DNAH10: variants seen among roughly 807,000 people sequenced by gnomAD.
DNAH10 encodes dynein axonemal heavy chain 10.
Under a neutral mutation model 506.6 loss-of-function variants are expected in DNAH10, and 348 were observed. That is an observed-to-expected ratio of 0.69 (90% CI 0.63 to 0.75). The LOEUF is 0.75. Among genes scored for constraint, DNAH10 ranks in the 30% least tolerant of loss-of-function variants. The pLI is 0.00. For synonymous variants in DNAH10, 2,059 were observed against 2,198.6 expected (o/e 0.94, Z 1.78); for missense variants, 5,179 against 5,787.1 (o/e 0.89, Z 3.41).
chr12:123,762,572 C>T lies in DNAH10; in HGVS notation c.214+22C>T, dbSNP rs1218398661. 11 of 1,537,824 alleles carry T rather than the reference C, an allele frequency of 7.2e-6. No individual in the cohort carries two copies. The highest frequency in any genetic ancestry group is 9.6e-6 in the Non-Finnish European group (11 of 1,142,840). ...ATTGGTGAGCCTCGACGCGCCGCTC[C>T]CTTCCCCGGGCTTCCCTCCTGCCCG... is the stretch of plus-strand genomic sequence containing the variant. On this transcript the variant is annotated intron_variant, in intron 1 of 78. Coordinates refer to ENST00000673944, the MANE Select transcript of DNAH10 (RefSeq NM_001372106.1). The surrounding 1 kb of genome is among the most constrained non-coding windows in gnomAD (Gnocchi z 5.0).
intron 29 of DNAH10, 39 bp downstream of exon 29, chr12:123,838,728 C>T (rs1950659061): frequency 1.9e-6 from 3 of 1,575,850 alleles, no homozygotes; most frequent in Non-Finnish European, 1.7e-6. Flanking sequence ...CCGTGTAAGC[C>T]TTAGAACCGC....
intron 50 of DNAH10, 41 bp downstream of exon 50, chr12:123,879,842 C>T (rs1203896312): frequency 3.1e-6 from 5 of 1,601,098 alleles, no homozygotes; most frequent in Non-Finnish European, 4.3e-6. Context: ...TCACTTTCTC[C>T]TGAGCATGGG....
chr12:123,913,096 A>G lies in DNAH10; in HGVS notation c.10135-2A>G. On this transcript the variant is annotated splice_acceptor_variant, in intron 59 of 78. Coordinates refer to ENST00000673944, the MANE Select transcript of DNAH10 (RefSeq NM_001372106.1). LOFTEE classifies it high-confidence loss of function. The surrounding 1 kb of genome is among the most constrained non-coding windows in gnomAD (Gnocchi z 5.1). ...ATCTTTTTGCAAATTGTCTTCACTT[A>G]GGTGGCCAGGCTGGAGCGGAATTTT... The G allele has an allele frequency of 1.2e-6, 2 of 1,606,226 alleles. No homozygotes were observed. Among genetic ancestry groups the G allele is most frequent in the Non-Finnish European group, 1.7e-6 (2 of 1,176,766 alleles).
Position 123,853,702 on chromosome 12 carries a change from AAG to A in DNAH10, c.6438+353_6438+354del, listed in dbSNP as rs927437269. Among the ~76,000 whole-genome samples, 5 of 152,290 alleles carry A rather than the reference AAG, an allele frequency of 3.3e-5. No individual in the cohort carries two copies. The highest frequency in any genetic ancestry group is 4.1e-4 in the South Asian group (2 of 4,826). On this transcript the variant is annotated intron_variant, in intron 36 of 78. Coordinates refer to ENST00000673944, the MANE Select transcript of DNAH10 (RefSeq NM_001372106.1). The surrounding 1 kb of genome is among the most constrained non-coding windows in gnomAD (Gnocchi z 4.7). ...AGTTGTTATTTTCTCTTTGAAACAA[AAG>A]AGGGGAACAATTGTGTTTTTTTTAC... is the stretch of plus-strand genomic sequence containing the variant.
At chr12:123,910,733 C>T (rs1308866629) in intron 59 of DNAH10, 61 bp downstream of exon 59, 2 of 1,589,580 alleles carry the variant, frequency 1.3e-6, no homozygotes, top group Admixed American at 1.8e-5. Context: ...AGTCAGAATT[C>T]ACATGTACAT....
intron 18 of DNAH10, among the ~76,000 whole-genome samples, chr12:123,806,723 T>A (rs1958687021): frequency 6.6e-6 from 1 of 152,138 alleles, no homozygotes; most frequent in Non-Finnish European, 1.5e-5. Flanking sequence ...AGCAGTCCCT[T>A]ACATGGAGCT....
rs1385035003 is a variant in DNAH10, at chr12:123,926,841, A to G, written c.12105+21A>G. 2 of 1,612,422 alleles carry G rather than the reference A, an allele frequency of 1.2e-6. No homozygotes were observed. Among genetic ancestry groups the G allele is most frequent in the South Asian group, 1.1e-5 (1 of 90,898 alleles). ...AAAAGGTAATTTGTGGCTGAAAGGAACAAGCTCTACGTTTAGGGGAGGTCC... is the reference window on the plus strand; with the variant it reads ...AAAAGGTAATTTGTGGCTGAAAGGAGCAAGCTCTACGTTTAGGGGAGGTCC... On this transcript the variant is annotated intron_variant, in intron 69 of 78. Coordinates refer to ENST00000673944, the MANE Select transcript of DNAH10 (RefSeq NM_001372106.1). The surrounding 1 kb of genome is among the most constrained non-coding windows in gnomAD (Gnocchi z 4.1).
At position 123,928,634 on chromosome 12, in the gene DNAH10, GA is replaced by G; in HGVS notation, c.12306+49del. ...CAACATGCCAGCACGCAGCTTCTCA[GA>G]ACACCTGCATGCTGCTCTGGGGCCG... On this transcript the variant is annotated intron_variant, in intron 70 of 78. Transcript: ENST00000673944. The surrounding 1 kb of genome is among the most constrained non-coding windows in gnomAD (Gnocchi z 4.9). 6.5e-7 allele frequency: 1 copy of G among 1,543,820 alleles called. No individual in the cohort carries two copies. Among genetic ancestry groups the G allele is most frequent in the Non-Finnish European group, 8.8e-7 (1 of 1,142,520 alleles).
chr12:123,926,900 T>A lies in DNAH10; in HGVS notation c.12105+80T>A. The A allele has an allele frequency of 6.7e-7, 1 of 1,498,522 alleles. No homozygotes were observed. Among genetic ancestry groups the A allele is most frequent in the South Asian group, 1.2e-5 (1 of 81,918 alleles). The allele number at this position is 1,498,522 out of a possible 1,614,324, so 92.8% of individuals were successfully genotyped here. A position where few individuals can be genotyped will look rare whatever the true frequency, so the allele number is the denominator to read the frequency against. On this transcript the variant is annotated intron_variant, in intron 69 of 78. Coordinates refer to ENST00000673944, the MANE Select transcript of DNAH10 (RefSeq NM_001372106.1). The surrounding 1 kb of genome is among the most constrained non-coding windows in gnomAD (Gnocchi z 4.1). ...TGCTAAGAAGGAGCTAACCTGGGTTTAAGCTGAGTGCCACGCCACAAATCA... is the reference window on the plus strand; with the variant it reads ...TGCTAAGAAGGAGCTAACCTGGGTTAAAGCTGAGTGCCACGCCACAAATCA...
At position 123,929,299 on chromosome 12, in the gene DNAH10, C is replaced by T. The variant is rs201458422; in HGVS notation, c.12331C>T (p.Leu4111=). 2.5e-5 allele frequency: 40 copies of T among 1,600,526 alleles called. No individual in the cohort carries two copies. Among genetic ancestry groups the T allele is most frequent in the Middle Eastern group, 1.6e-4 (1 of 6,070 alleles). The part of the protein sequence containing the change: ...LKVVTEPPNG[L]KLNMRATYFK... ...GGTTGTCACCGAGCCACCCAATGGGCTGAAACTCAACATGAGGGCAACTTA... is the reference window on the plus strand; with the variant it reads ...GGTTGTCACCGAGCCACCCAATGGGTTGAAACTCAACATGAGGGCAACTTA... Residue 4111 remains leucine, a synonymous_variant, in exon 71 of 79, where the codon CTG becomes TTG. Coordinates refer to ENST00000673944, the MANE Select transcript of DNAH10 (RefSeq NM_001372106.1).
chr12:123,862,459 G>A (rs775986284), intron 39 of DNAH10, among the ~76,000 whole-genome samples: 4 of 151,722 alleles, frequency 2.6e-5, no homozygotes, highest in Non-Finnish European at 4.4e-5. Flanking sequence ...ACATGATCAC[G>A]GCTCACTGCA....
At chr12:123,906,564 G>A (rs750718655) in intron 57 of DNAH10, among the ~76,000 whole-genome samples, 40 of 152,290 alleles carry the variant, frequency 2.6e-4, no homozygotes, top group Non-Finnish European at 5.3e-4. Flanking sequence ...TTTGGATATT[G>A]TGTCCTAGTT....
At position 123,865,805 on chromosome 12, in the gene DNAH10, G is replaced by A. The variant is rs1594232860; in HGVS notation, c.7045-146G>A. ...TTCTCATCAAAATCCCAGGTGTTCA[G>A]TTAAAAAGCTCATGGAAGCTGTGTT... On this transcript the variant is annotated intron_variant, in intron 40 of 78. Transcript: ENST00000673944. 8.2e-6 allele frequency: 6 copies of A among 733,846 alleles called. No homozygotes were observed. The East Asian group carries it at 1.9e-4, about 23-fold the overall frequency. The allele number at this position is 733,846 out of a possible 1,614,324, so 45.5% of individuals were successfully genotyped here.
At chr12:123,868,506 A>G (rs988620340) in intron 43 of DNAH10, among the ~76,000 whole-genome samples, 16 of 152,186 alleles carry the variant, frequency 1.1e-4, no homozygotes, top group African/African-American at 3.9e-4. Flanking sequence ...CATATCATTC[A>G]TCTGCTGTAT....
chr12:123,917,199 A>T lies in DNAH10; in HGVS notation c.11003-385A>T, dbSNP rs531457355. On this transcript the variant is annotated intron_variant, in intron 63 of 78. Transcript: ENST00000673944. The surrounding 1 kb of genome is among the most constrained non-coding windows in gnomAD (Gnocchi z 5.6). The stretch of plus-strand genomic sequence containing the variant: ...TTTTTCTTTTTCTTTTTTTGTACAG[A>T]TGGGGTTTGTCTGTGTTGTCTGGGC... 6.6e-6 allele frequency among the ~76,000 whole-genome samples: 1 copy of T among 151,716 alleles called. No homozygotes were observed. The highest frequency in any genetic ancestry group is 2.4e-5 in the African/African-American group (1 of 41,354).
Position 123,893,163 on chromosome 12 carries a change from C to T in DNAH10, c.8996-70C>T, listed in dbSNP as rs982492172. The stretch of plus-strand genomic sequence containing the variant: ...GCTGATCTTTCCACACCTTCCATCA[C>T]TCAGTCAGCACTTAGAGCGGTCATG... On this transcript the variant is annotated intron_variant, in intron 52 of 78. Transcript: ENST00000673944. The T allele has an allele frequency of 2.8e-5, 41 of 1,474,024 alleles. 1 individual carries two copies. The highest frequency in any genetic ancestry group is 8.4e-6 in the Non-Finnish European group (9 of 1,068,656). 91.3% of individuals were successfully genotyped at this position (1,474,024 alleles called of 1,614,324 possible).
At chr12:123,876,163 C>T (rs905381679) in intron 47 of DNAH10, among the ~76,000 whole-genome samples, 1 of 152,098 alleles carries the variant, frequency 6.6e-6, no homozygotes, top group Non-Finnish European at 1.5e-5. Flanking sequence ...GTGGAGTGGC[C>T]AGGCCTGATC....
intron 38 of DNAH10, 107 bp downstream of exon 38, chr12:123,859,375 G>A: frequency 1.2e-6 from 1 of 854,900 alleles, no homozygotes; most frequent in Non-Finnish European, 1.7e-6. Flanking sequence ...TCCTGGGAGG[G>A]TAAATTTGTA....
chr12:123,860,167 A>T (rs1442722177), intron 38 of DNAH10, among the ~76,000 whole-genome samples: 3 of 152,260 alleles, frequency 2.0e-5, no homozygotes, highest in Non-Finnish European at 2.9e-5. Context: ...GGATGCTGAT[A>T]GCCCGGCAAA....
Sources: gnomAD v4.1 joint callset for allele counts (sites outside exome capture counted in the v4.1 genomes callset) on GRCh38, gnomAD v4.1.1 for gene constraint, Gnocchi (gnomAD v3.1) non-coding constraint, MANE v1.5 for transcripts, NCBI Gene and HGNC (gene_info 2026-07-23, HGNC 2026-07-21) for gene names.